TOGARAM1: variants seen among roughly 807,000 people sequenced by gnomAD.
TOGARAM1 encodes TOG array regulator of axonemal microtubules protein 1.
TOGARAM1 carries 100 observed loss-of-function variants against 166.6 expected under a neutral mutation model. The ratio of observed to expected loss-of-function variants is 0.60; its 90% CI spans 0.51 to 0.71. TOGARAM1 has a LOEUF of 0.71. Among genes scored for constraint, TOGARAM1 ranks in the 30% least tolerant of loss-of-function variants. The probability of loss-of-function intolerance (pLI) is 0.00; values close to 1 mark genes in which losing one functional copy is unlikely to be tolerated. For synonymous variants in TOGARAM1, 758 were observed against 763.8 expected, an observed-to-expected ratio of 0.99 and a Z score of 0.13; for missense variants, 2,029 against 2,102.7, an observed-to-expected ratio of 0.96 and a Z score of 0.69.
At chr14:45,020,775 T>C (rs2138886722) in intron 7 of TOGARAM1, among the ~76,000 whole-genome samples, 1 of 152,304 alleles carries the variant, frequency 6.6e-6, no homozygotes, top group East Asian at 1.9e-4. Flanking sequence ...TCTATAGTAT[T>C]GCTAAATTTT....
intron 1 of TOGARAM1, among the ~76,000 whole-genome samples, chr14:44,976,136 T>G (rs747195620): frequency 6.6e-6 from 1 of 152,220 alleles, no homozygotes; most frequent in Non-Finnish European, 1.5e-5. Context: ...AACACTCACT[T>G]TGATTAACAT....
intron 8 of TOGARAM1, among the ~76,000 whole-genome samples, chr14:45,026,863 G>T (rs185854883): frequency 6.6e-6 from 1 of 151,078 alleles, no homozygotes; most frequent in Non-Finnish European, 1.5e-5. Flanking sequence ...AAAAAATTGG[G>T]CAGGCCTGGT....
rs763149192 is a variant in TOGARAM1 at position 45,027,325 on chromosome 14, C to T, written c.3355C>T (p.Pro1119Ser). Residue 1119 changes from proline to serine, a missense_variant, in exon 9 of 20, where the codon CCA becomes TCA. By Grantham distance (74) the Pro-to-Ser change is moderately conservative. Around this residue, in one of 2 missense-constraint regions of TOGARAM1, gnomAD observed 1,453 missense variants for 1,432.2 expected, o/e 1.01. Transcript: ENST00000361462. ...KGVFGSLSSA[P>S]ATCSQSVISS... ...CGTATTTGGAAGTTTAAGTTCAGCA[C>T]CAGCAACCTGCAGCCAATCAGTGAT... 5 of 1,612,816 alleles carry T rather than the reference C, an allele frequency of 3.1e-6. No individual in the cohort carries two copies. Among genetic ancestry groups the T allele is most frequent in the Admixed American group, 3.3e-5 (2 of 59,754 alleles).
chr14:44,992,345 G>A (rs899107762), intron 1 of TOGARAM1, among the ~76,000 whole-genome samples: 1 of 151,866 alleles, frequency 6.6e-6, no homozygotes. Flanking sequence ...AAGGGGCAAG[G>A]GTGGAGTCTG....
intron 3 of TOGARAM1, among the ~76,000 whole-genome samples, chr14:45,003,443 A>G (rs919035102): frequency 2.0e-5 from 3 of 152,186 alleles, no homozygotes; most frequent in Non-Finnish European, 4.4e-5. Context: ...AGATGGTAGA[A>G]TTAAAATCAA....
chr14:44,997,443 T>G (rs1887475083), intron 2 of TOGARAM1: 1 of 147,812 alleles, frequency 6.8e-6, no homozygotes. Context: ...GGTGATTGGA[T>G]TCTGATTATA....
chr14:45,051,613 G>T (rs1320665566), intron 14 of TOGARAM1, among the ~76,000 whole-genome samples: 1 of 145,544 alleles, frequency 6.9e-6, no homozygotes, highest in Non-Finnish European at 1.5e-5. Context: ...AGGCTGGAGT[G>T]CAATGGTGTG....
At chr14:45,033,406 T>C (rs1881272339) in intron 11 of TOGARAM1, among the ~76,000 whole-genome samples, 1 of 152,226 alleles carries the variant, frequency 6.6e-6, no homozygotes, top group African/African-American at 2.4e-5. Context: ...GGCAGATGCC[T>C]CTGTTGCAAA....
intron 1 of TOGARAM1, among the ~76,000 whole-genome samples, chr14:44,974,661 A>G (rs1462252363): frequency 6.6e-6 from 1 of 152,170 alleles, no homozygotes; most frequent in African/African-American, 2.4e-5. Context: ...AGTGATCTAT[A>G]GTGCTTTAAT....
intron 1 of TOGARAM1, among the ~76,000 whole-genome samples, chr14:44,995,118 A>T (rs1887351546): frequency 6.6e-6 from 1 of 152,202 alleles, no homozygotes; most frequent in Admixed American, 6.5e-5. Context: ...CAACTTCAAA[A>T]TTGTATCCTG....
chr14:44,975,562 G>A (rs1409250521), intron 1 of TOGARAM1, among the ~76,000 whole-genome samples: 2 of 152,082 alleles, frequency 1.3e-5, no homozygotes, highest in Non-Finnish European at 2.9e-5. Context: ...TGTCTCCCAG[G>A]TTCAAGCCAT....
chr14:44,964,056 A>T lies in TOGARAM1; in HGVS notation c.1635A>T (p.Lys545Asn). ...TGGCATCATCAATGGGCTCAGGTAA[A>T]ACCAGCATCCTTTTTAAAGCTGTGG... Reference protein sequence around the residue: ...AVLASSMGSGKTSILFKAVDT... With the variant: ...AVLASSMGSGNTSILFKAVDT... The change falls in exon 1 of 20, where the codon AAA (lysine) becomes AAT (asparagine). Residue 545 changes from lysine to asparagine, a missense_variant. Coordinates refer to ENST00000361462, the MANE Select transcript of TOGARAM1 (RefSeq NM_001308120.2). The T allele has an allele frequency of 1.2e-6, 2 of 1,614,142 alleles. No homozygotes were observed. The highest frequency in any genetic ancestry group is 1.7e-6 in the Non-Finnish European group (2 of 1,179,966).
chr14:45,032,722 G>T (rs1425881826), intron 11 of TOGARAM1, among the ~76,000 whole-genome samples: 5 of 152,088 alleles, frequency 3.3e-5, no homozygotes, highest in Non-Finnish European at 7.3e-5. Flanking sequence ...TGCTCCTATT[G>T]TAGTGATAGC....
chr14:45,029,344 A>G (rs976705390), intron 10 of TOGARAM1, among the ~76,000 whole-genome samples: 2 of 152,256 alleles, frequency 1.3e-5, no homozygotes, highest in Admixed American at 1.3e-4. Context: ...GATTACAAAT[A>G]GTAATAAATC....
chr14:45,045,563 A>C (rs1311603160), intron 13 of TOGARAM1, among the ~76,000 whole-genome samples: 2 of 40,572 alleles, frequency 4.9e-5, no homozygotes, highest in East Asian at 1.5e-3. Context: ...ATATATATAT[A>C]TATATATATA....
At position 45,028,428 on chromosome 14, in the gene TOGARAM1, A is replaced by T. The variant is rs181524230; in HGVS notation, c.3658+99A>T. 8.0e-6 allele frequency: 10 copies of T among 1,255,266 alleles called. No homozygotes were observed. The Admixed American group carries it at 2.3e-4, about 28-fold the overall frequency. The allele number at this position is 1,255,266 out of a possible 1,614,324, so 77.8% of individuals were successfully genotyped here. A position where few individuals can be genotyped will look rare whatever the true frequency, so the allele number is the denominator to read the frequency against. On this transcript the variant is annotated intron_variant, in intron 10 of 19. Transcript: ENST00000361462. ...AGGGTAATATATGACTAAGAATGAA[A>T]TATCTTATATAACACCGAAATTTGC...
chr14:44,988,729 G>T (rs1166476830), intron 1 of TOGARAM1, among the ~76,000 whole-genome samples: 2 of 152,198 alleles, frequency 1.3e-5, no homozygotes, highest in African/African-American at 4.8e-5. Flanking sequence ...GTAATAGTGT[G>T]TGATTTCAGA....
intron 1 of TOGARAM1, among the ~76,000 whole-genome samples, chr14:44,969,110 T>TTTCTTTCC (rs1885724123): frequency 7.2e-6 from 1 of 139,158 alleles, no homozygotes; most frequent in African/African-American, 2.9e-5. Flanking sequence ...TCTTTCTTTC[T>TTTCTTTCC]TTCCTTCCTT....
Position 45,046,657 on chromosome 14 carries a change from T to C in TOGARAM1, c.4267T>C (p.Leu1423=). The change falls in exon 14 of 20, where the codon TTA becomes CTA. Residue 1423 remains leucine, a synonymous_variant. Transcript: ENST00000361462. ...AGCAAAGGATATGGCTGAACGCATA[T>C]TACCAGCTGCTGCTAAGTTTGCTCA... is the stretch of plus-strand genomic sequence containing the variant. ...SAAKDMAERI[L]PAAAKFAQDS... 1 of 1,342,954 alleles carries C rather than the reference T, an allele frequency of 7.4e-7. No individual in the cohort carries two copies. Among genetic ancestry groups the C allele is most frequent in the Non-Finnish European group, 9.6e-7 (1 of 1,039,284 alleles). The allele number at this position is 1,342,954 out of a possible 1,614,324, so 83.2% of individuals were successfully genotyped here. A position where few individuals can be genotyped will look rare whatever the true frequency, so the allele number is the denominator to read the frequency against.
Sources: gnomAD v4.1 joint callset for allele counts (sites outside exome capture counted in the v4.1 genomes callset) on GRCh38, gnomAD v4.1.1 for gene constraint, gnomAD v4.1.1 regional missense constraint, MANE v1.5 for transcripts, NCBI Gene and HGNC (gene_info 2026-07-23, HGNC 2026-07-21) for gene names.